The following AKAP6 variants were observed in gnomAD, a reference collection of about 807,000 sequenced individuals.
AKAP6 encodes the protein A-kinase anchoring protein 6.
Under a neutral mutation model 188.5 loss-of-function variants are expected in AKAP6, and 58 were observed. The ratio of observed to expected loss-of-function variants is 0.31; its 90% CI spans 0.25 to 0.38. The LOEUF is 0.38. Among genes scored for constraint, AKAP6 ranks in the 10% least tolerant of loss-of-function variants. AKAP6 has a pLI of 1.00. For synonymous variants in AKAP6, 989 were observed against 998.6 expected (o/e 0.99, Z 0.18); for missense variants, 2,710 against 2,740.0 (o/e 0.99, Z 0.24).
In AKAP6 at chr14:32,822,742, G is replaced by T. The variant is rs780786919; in HGVS notation, c.4929G>T (p.Gln1643His). The change falls in exon 13 of 14, where the codon CAG (glutamine) becomes CAT (histidine). Residue 1643 changes from glutamine (Q) to histidine (H), a missense_variant. Around this residue, in one of 2 missense-constraint regions of AKAP6, gnomAD observed 2,473 missense variants for 2,426.1 expected, o/e 1.02. Transcript: ENST00000280979. ...TCCTGAATCGTTTGGAGAATATCCA[G>T]AGCCCCTCAGAGCAAAAGATAAAAC... Reference protein sequence around the residue: ...LDLLNRLENIQSPSEQKIKRS... With the variant: ...LDLLNRLENIHSPSEQKIKRS... 15 of 1,613,752 alleles carry T rather than the reference G, an allele frequency of 9.3e-6. No homozygotes were observed. The highest frequency in any genetic ancestry group is 1.3e-5 in the African/African-American group (1 of 74,894).
intron 12 of AKAP6, among the ~76,000 whole-genome samples, chr14:32,774,440 T>C (rs537982610): frequency 6.6e-6 from 1 of 152,366 alleles, no homozygotes; most frequent in Non-Finnish European, 1.5e-5. Context: ...CTTCTGATAG[T>C]TACATTGCTG....
intron 1 of AKAP6, among the ~76,000 whole-genome samples, chr14:32,399,045 G>C (rs1167355257): frequency 6.6e-6 from 1 of 151,362 alleles, no homozygotes; most frequent in Non-Finnish European, 1.5e-5. Flanking sequence ...GTAGAGACAG[G>C]GTTTCACTGT....
At chr14:32,588,389 A>G (rs1024618039) in intron 5 of AKAP6, among the ~76,000 whole-genome samples, 6 of 152,194 alleles carry the variant, frequency 3.9e-5, no homozygotes, top group Admixed American at 6.5e-5. Flanking sequence ...ATAATACTCA[A>G]TGAACTTTAT....
At chr14:32,434,416 T>G (rs1218601648) in intron 2 of AKAP6, among the ~76,000 whole-genome samples, 1 of 152,142 alleles carries the variant, frequency 6.6e-6, no homozygotes, top group East Asian at 1.9e-4. Context: ...TTGGTGATAA[T>G]GAAATGGAGT....
chr14:32,497,440 A>G (rs895284784), intron 2 of AKAP6, among the ~76,000 whole-genome samples: 2 of 152,100 alleles, frequency 1.3e-5, no homozygotes, highest in Admixed American at 1.3e-4. Flanking sequence ...TCTTTCTATA[A>G]TTCAGTTGTG....
intron 12 of AKAP6, among the ~76,000 whole-genome samples, chr14:32,786,154 C>T (rs925152236): frequency 1.3e-5 from 2 of 152,010 alleles, no homozygotes; most frequent in South Asian, 4.2e-4. Context: ...CCAGCAGCGT[C>T]CCCATTGGAA....
chr14:32,333,229 T>A (rs1449859059), intron 1 of AKAP6, among the ~76,000 whole-genome samples: 2 of 152,112 alleles, frequency 1.3e-5, no homozygotes, highest in African/African-American at 4.8e-5. Flanking sequence ...TAGGTTCCAA[T>A]TAGGAAATAA....
intron 12 of AKAP6, among the ~76,000 whole-genome samples, chr14:32,795,695 C>A (rs1481192987): frequency 6.6e-6 from 1 of 152,110 alleles, no homozygotes; most frequent in Non-Finnish European, 1.5e-5. Flanking sequence ...TGGGCAAAAG[C>A]TGGAAGCATT....
chr14:32,497,435 C>T (rs1880374738), intron 2 of AKAP6, among the ~76,000 whole-genome samples: 1 of 151,998 alleles, frequency 6.6e-6, no homozygotes, highest in Non-Finnish European at 1.5e-5. Flanking sequence ...AAAAGTCTTT[C>T]TATAATTCAG....
At chr14:32,394,130 A>G (rs768522082) in intron 1 of AKAP6, among the ~76,000 whole-genome samples, 14 of 152,182 alleles carry the variant, frequency 9.2e-5, no homozygotes, top group Non-Finnish European at 1.8e-4. Flanking sequence ...TTATACATTC[A>G]TTAAAGTGAG....
Position 32,517,861 on chromosome 14 carries a change from C to T in AKAP6, c.325-17693C>T, listed in dbSNP as rs367715323. On this transcript the variant is annotated intron_variant, in intron 2 of 13. Coordinates refer to ENST00000280979, the MANE Select transcript of AKAP6 (RefSeq NM_004274.5). The stretch of plus-strand genomic sequence containing the variant: ...GAAGAGAGCAGTGGTTCTCCTAGCA[C>T]GGAGTTTGAGATCTGAGAAGGGACA... 1.5e-4 allele frequency among the ~76,000 whole-genome samples: 23 copies of T among 152,330 alleles called. No homozygotes were observed. The South Asian group carries it at 2.1e-3, about 14-fold the overall frequency.
intron 2 of AKAP6, among the ~76,000 whole-genome samples, chr14:32,516,045 C>T (rs1475681308): frequency 6.6e-6 from 1 of 152,154 alleles, no homozygotes; most frequent in East Asian, 1.9e-4. Flanking sequence ...AACCCTGTGA[C>T]CTACAGTAGT....
At position 32,833,548 on chromosome 14, in the gene AKAP6, A is replaced by C. The variant is rs1594999198; in HGVS notation, c.*3743A>C. ...ATCTTATACAACACAGAACAACCTA[A>C]ATTTAGGGCTTCTGGAAACCTGAGT... On this transcript the variant is annotated 3_prime_UTR_variant, in exon 14 of 14. Transcript: ENST00000280979. The C allele has an allele frequency of 6.6e-6, 1 of 152,262 alleles. No homozygotes were observed. Among genetic ancestry groups the C allele is most frequent in the East Asian group, 1.9e-4 (1 of 5,182 alleles). 9.4% of individuals were successfully genotyped at this position (152,262 alleles called of 1,614,324 possible). A position where few individuals can be genotyped will look rare whatever the true frequency, so the allele number is the denominator to read the frequency against.
chr14:32,476,561 G>A lies in AKAP6; in HGVS notation c.324+42744G>A, dbSNP rs532755353. Among the ~76,000 whole-genome samples, 44 of 152,222 alleles carry A rather than the reference G, an allele frequency of 2.9e-4. No homozygotes were observed. The South Asian group carries it at 7.1e-3, about 24-fold the overall frequency. ...CTGGATTTTAGCCCTGTTTCCCATC[G>A]AATTTTATCTAGTCATATTTGACTT... On this transcript the variant is annotated intron_variant, in intron 2 of 13. Coordinates refer to ENST00000280979, the MANE Select transcript of AKAP6 (RefSeq NM_004274.5).
At chr14:32,749,543 A>G (rs1000338817) in intron 11 of AKAP6, among the ~76,000 whole-genome samples, 4 of 152,182 alleles carry the variant, frequency 2.6e-5, no homozygotes, top group African/African-American at 9.7e-5. Context: ...ACACTGGCCC[A>G]AAGAGGGAAG....
intron 1 of AKAP6, among the ~76,000 whole-genome samples, chr14:32,425,936 G>A (rs1890015419): frequency 6.6e-6 from 1 of 152,146 alleles, no homozygotes; most frequent in Non-Finnish European, 1.5e-5. Context: ...CCTATGTCCT[G>A]AATAGTATTG....
In AKAP6 at chr14:32,604,971, C is replaced by T. The variant is rs546302714; in HGVS notation, c.2730+4179C>T. On this transcript the variant is annotated intron_variant, in intron 7 of 13. Transcript: ENST00000280979. ...TAGCTTTTTTTCCTGATGCTCTCCCCGCACCTGTCCCCTCACTGACAGGCC... is the reference window on the plus strand; with the variant it reads ...TAGCTTTTTTTCCTGATGCTCTCCCTGCACCTGTCCCCTCACTGACAGGCC... Among the ~76,000 whole-genome samples, 37 of 152,202 alleles carry T rather than the reference C, an allele frequency of 2.4e-4. No homozygotes were observed. The East Asian group carries it at 6.6e-3, about 27-fold the overall frequency.
At chr14:32,768,133 A>G (rs2032775502) in intron 11 of AKAP6, among the ~76,000 whole-genome samples, 1 of 152,172 alleles carries the variant, frequency 6.6e-6, no homozygotes, top group Non-Finnish European at 1.5e-5. Flanking sequence ...ACCTTCCCCC[A>G]CAAAACAATG....
chr14:32,341,014 TATTTATATACC>T (rs747177109), intron 1 of AKAP6, among the ~76,000 whole-genome samples: 1 of 152,254 alleles, frequency 6.6e-6, no homozygotes. Context: ...CAGACAATAG[TATTTATATACC>T]ATTTATATTT....
Sources: allele counts gnomAD v4.1 joint callset (sites outside exome capture counted in the v4.1 genomes callset), GRCh38; gene constraint gnomAD v4.1.1; regional missense constraint gnomAD v4.1.1; transcripts MANE v1.5; gene names NCBI Gene and HGNC (gene_info 2026-07-23, HGNC 2026-07-21).